TRAK2: variants seen among roughly 807,000 people sequenced by gnomAD.
TRAK2 encodes the protein trafficking kinesin protein 2.
A neutral mutation model predicts 104.6 loss-of-function variants in TRAK2; 81 were observed. That is an observed-to-expected ratio of 0.77 (90% confidence interval 0.65 to 0.93). The LOEUF (loss-of-function observed/expected upper bound fraction) is 0.93. TRAK2 is among the 40% of genes least tolerant of loss of function. The probability of loss-of-function intolerance (pLI) is 0.00; values close to 1 mark genes in which losing one functional copy is unlikely to be tolerated. For synonymous variants in TRAK2, 406 were observed against 394.4 expected, an observed-to-expected ratio of 1.03 and a Z score of -0.35; for missense variants, 1,002 against 1,089.0, an observed-to-expected ratio of 0.92 and a Z score of 1.12.
intron 1 of TRAK2, among the ~76,000 whole-genome samples, chr2:201,423,137 C>T (rs945272265): frequency 6.6e-6 from 1 of 151,338 alleles, no homozygotes; most frequent in Non-Finnish European, 1.5e-5. Flanking sequence ...TGCAGTGGTG[C>T]AATCATAGCT....
chr2:201,411,230 A>G, intron 2 of TRAK2: 1 of 719,866 alleles, frequency 1.4e-6, no homozygotes, highest in Non-Finnish European at 2.5e-6. Context: ...GGGGTTTAAG[A>G]GGCTGCTGGC....
chr2:201,387,603 G>A, intron 13 of TRAK2, 100 bp downstream of exon 13: 2 of 1,231,984 alleles, frequency 1.6e-6, no homozygotes, highest in Non-Finnish European at 2.3e-6. Flanking sequence ...AAGATCATCT[G>A]CACATAATGT....
intron 1 of TRAK2, among the ~76,000 whole-genome samples, chr2:201,443,732 C>T (rs1219584856): frequency 1.3e-5 from 2 of 152,080 alleles, no homozygotes; most frequent in Non-Finnish European, 2.9e-5. Flanking sequence ...CTCAAATCTA[C>T]TCACTTTTCT....
At chr2:201,405,541 G>T (rs1951586397) in intron 3 of TRAK2, among the ~76,000 whole-genome samples, 1 of 152,122 alleles carries the variant, frequency 6.6e-6, no homozygotes, top group Non-Finnish European at 1.5e-5. Flanking sequence ...GGAGTAGGGG[G>T]CCCAAGAATG....
chr2:201,425,337 A>C (rs1383245048), intron 1 of TRAK2, among the ~76,000 whole-genome samples: 3 of 152,172 alleles, frequency 2.0e-5, no homozygotes, highest in Admixed American at 2.0e-4. Flanking sequence ...TAAACAACAG[A>C]CTTCTACTTT....
chr2:201,388,992 C>T (rs1048706401), intron 12 of TRAK2, among the ~76,000 whole-genome samples: 1 of 152,128 alleles, frequency 6.6e-6, no homozygotes, highest in African/African-American at 2.4e-5. Context: ...GACAGCACCT[C>T]GATGGTCCTC....
At chr2:201,449,738 C>T (rs547090116) in intron 1 of TRAK2, among the ~76,000 whole-genome samples, 338 of 151,782 alleles carry the variant, frequency 2.2e-3, no homozygotes, top group Non-Finnish European at 3.4e-3. Context: ...CCTCTGCCTC[C>T]GGGTTCAAGC....
At chr2:201,412,582 T>C in intron 2 of TRAK2, 1 of 1,417,642 alleles carries the variant, frequency 7.1e-7, no homozygotes, top group South Asian at 1.2e-5. Context: ...ACTGACTGTT[T>C]CACAGCTCAC....
At chr2:201,385,468 A>G (rs1395348177) in intron 14 of TRAK2, among the ~76,000 whole-genome samples, 1 of 151,994 alleles carries the variant, frequency 6.6e-6, no homozygotes, top group Non-Finnish European at 1.5e-5. Flanking sequence ...GAGCTACCAC[A>G]CCCAGCCTGA....
chr2:201,408,336 T>C (rs781396511), intron 2 of TRAK2, among the ~76,000 whole-genome samples: 11 of 152,198 alleles, frequency 7.2e-5, no homozygotes, highest in Non-Finnish European at 1.0e-4. Flanking sequence ...TAAAAGTTTT[T>C]ATTTTAGGTT....
intron 2 of TRAK2, chr2:201,410,622 T>G (rs1183150548): frequency 3.9e-5 from 51 of 1,295,994 alleles, no homozygotes; most frequent in Non-Finnish European, 5.6e-5. Flanking sequence ...CAAAGTTCTG[T>G]GGGTTGAAGA....
At position 201,384,133 on chromosome 2, in the gene TRAK2, C is replaced by G; in HGVS notation, c.2047G>C (p.Asp683His). 6.2e-7 allele frequency: 1 copy of G among 1,612,744 alleles called. No individual in the cohort carries two copies. The highest frequency in any genetic ancestry group is 8.5e-7 in the Non-Finnish European group (1 of 1,179,318). The stretch of plus-strand genomic sequence containing the variant: ...TACCTGGGGGTAACCTGAGTGATGT[C>G]AGAGGGATGTAATATTCTACAGGTG... ...FTTCRILHPS[D>H]ITQVTPSSGF... is the part of the protein sequence containing the mutation. The change falls in exon 15 of 16, where the codon GAC (aspartate) becomes CAC (histidine). Residue 683 changes from aspartate to histidine, a missense_variant. Asp to His is a moderately conservative substitution (Grantham distance 81). Transcript: ENST00000332624.
chr2:201,420,661 G>C lies in TRAK2; in HGVS notation c.-154C>G, dbSNP rs1281832037. 1.6e-6 allele frequency: 1 copy of C among 619,882 alleles called. No individual in the cohort carries two copies. The highest frequency in any genetic ancestry group is 1.8e-5 in the African/African-American group (1 of 54,278). The allele number at this position is 619,882 out of a possible 1,614,324, so 38.4% of individuals were successfully genotyped here. ...TCTGATGAGTCAAATGACATCCGTA[G>C]CAACGAGCACTCTCATGTGATTATC... On this transcript the variant is annotated 5_prime_UTR_variant, in exon 2 of 16. Coordinates refer to ENST00000332624, the MANE Select transcript of TRAK2 (RefSeq NM_015049.3).
At chr2:201,413,190 C>T in intron 2 of TRAK2, 1 of 1,517,656 alleles carries the variant, frequency 6.6e-7, no homozygotes, top group Admixed American at 1.7e-5. Context: ...ACTGCCACCA[C>T]TGGCAATGTG....
rs1195271833 is a variant in TRAK2, at chr2:201,447,413, T to C, written c.-200+3937A>G. Reference sequence around the variant, plus strand: ...TTGCCTAGAACACCTATTTGTTAGTTTGCTAGGGGTTCCATAAAAAACTAC... The same window carrying C: ...TTGCCTAGAACACCTATTTGTTAGTCTGCTAGGGGTTCCATAAAAAACTAC... On this transcript the variant is annotated intron_variant, in intron 1 of 15. Transcript: ENST00000332624. This position sits in a 1 kb window ranked among gnomAD's most constrained non-coding sequence, Gnocchi z 4.1. Among the ~76,000 whole-genome samples, 1 of 152,236 alleles carries C rather than the reference T, an allele frequency of 6.6e-6. No homozygotes were observed. The highest frequency in any genetic ancestry group is 1.9e-4 in the East Asian group (1 of 5,204).
chr2:201,394,367 A>G, intron 9 of TRAK2, among the ~76,000 whole-genome samples: 1 of 136,322 alleles, frequency 7.3e-6, no homozygotes, highest in Admixed American at 8.0e-5. Context: ...TTTTGAGACG[A>G]AGTCTTGCTT....
chr2:201,414,048 C>T (rs77292590), intron 2 of TRAK2, among the ~76,000 whole-genome samples: 1 of 152,156 alleles, frequency 6.6e-6, no homozygotes, highest in Non-Finnish European at 1.5e-5. Flanking sequence ...TTATCACACA[C>T]AACAGTAGTA....
At chr2:201,391,241 A>G (rs1228682524) in intron 10 of TRAK2, among the ~76,000 whole-genome samples, 1 of 152,186 alleles carries the variant, frequency 6.6e-6, no homozygotes, top group Non-Finnish European at 1.5e-5. Flanking sequence ...CAATCTGAAT[A>G]TCCTACATAC....
Position 201,387,728 on chromosome 2 carries a change from T to G in TRAK2, c.1671A>C (p.Lys557Asn). 6.2e-7 allele frequency: 1 copy of G among 1,608,506 alleles called. No homozygotes were observed. The highest frequency in any genetic ancestry group is 8.5e-7 in the Non-Finnish European group (1 of 1,176,428). Residue 557 changes from lysine (K) to asparagine (N), a missense_variant, in exon 13 of 16, where the codon AAA (lysine) becomes AAC (asparagine). By Grantham distance (94) the Lys-to-Asn change is moderately conservative. Coordinates refer to ENST00000332624, the MANE Select transcript of TRAK2 (RefSeq NM_015049.3). ...ASCLRGFMPE[K>N]LQIVKPLEGS... is the part of the protein sequence containing the mutation. ...CTTCAAGGGGCTTGACAATTTGTAA[T>G]TTTTCTGGCATAAAACCTCGAAGGC...
Sources: gnomAD v4.1 joint callset for allele counts (sites outside exome capture counted in the v4.1 genomes callset) on GRCh38, gnomAD v4.1.1 for gene constraint, Gnocchi (gnomAD v3.1) non-coding constraint, MANE v1.5 for transcripts, NCBI Gene and HGNC (gene_info 2026-07-23, HGNC 2026-07-21) for gene names.